Variants in CELF2 observed in about 807,000 individuals in gnomAD.
CELF2 encodes CUGBP Elav-like family member 2.
In CELF2, 8 loss-of-function variants were observed where a neutral mutation model predicts 62.6. The ratio of observed to expected loss-of-function variants is 0.13; its 90% confidence interval spans 0.07 to 0.23. The LOEUF (loss-of-function observed/expected upper bound fraction) is 0.23, where lower values mean the gene tolerates loss of function less well. Among genes scored for constraint, CELF2 ranks in the 10% least tolerant of loss-of-function variants. CELF2 has a pLI of 1.00. For missense variants in CELF2, 333 were observed against 671.0 expected, an observed-to-expected ratio of 0.50 and a Z score of 5.56; for synonymous variants, 258 against 250.0, an observed-to-expected ratio of 1.03 and a Z score of -0.30.
chr10:11,266,472 A>C (rs974830046), intron 5 of CELF2, 126 bp from the exon 6 acceptor site: 12 of 566,506 alleles, frequency 2.1e-5, no homozygotes, highest in East Asian at 2.1e-4. Flanking sequence ...TTTTATTTTT[A>C]TGTACTACTG....
intron 1 of CELF2, among the ~76,000 whole-genome samples, chr10:10,832,957 G>A (rs528477170): frequency 6.6e-6 from 1 of 151,752 alleles, no homozygotes; most frequent in East Asian, 1.9e-4. Flanking sequence ...CTGAATGCCA[G>A]GTGTACTCAC....
the CELF2 span, among the ~76,000 whole-genome samples, chr10:10,472,664 C>T: frequency 0.59 from 89,106 of 151,632 alleles, 26,272 homozygotes; most frequent in Admixed American, 0.65. Context: ...AGGTAATCCA[C>T]TGTCATGACA....
At chr10:10,799,223 T>C (rs1470298990) in intron 1 of CELF2, among the ~76,000 whole-genome samples, 1 of 152,160 alleles carries the variant, frequency 6.6e-6, no homozygotes, top group African/African-American at 2.4e-5. Flanking sequence ...CTCACATCTA[T>C]AATCCCGCAC....
chr10:10,526,438 C>G, the CELF2 span, among the ~76,000 whole-genome samples: 3 of 152,186 alleles, frequency 2.0e-5, no homozygotes, highest in African/African-American at 7.2e-5. Context: ...TCAGCTTGTT[C>G]CAGACACCTT....
At chr10:10,547,959 C>T in the CELF2 span, among the ~76,000 whole-genome samples, 3 of 152,182 alleles carry the variant, frequency 2.0e-5, no homozygotes, top group East Asian at 1.9e-4. Flanking sequence ...GAGAGGGATG[C>T]CATTCATAAA....
chr10:10,608,702 C>A, the CELF2 span, among the ~76,000 whole-genome samples: 4 of 152,124 alleles, frequency 2.6e-5, no homozygotes, highest in African/African-American at 9.7e-5. Context: ...CTCTCCCAGG[C>A]TCTCCCCAGC....
At chr10:11,232,004 T>TA (rs1281616868) in intron 3 of CELF2, among the ~76,000 whole-genome samples, 42 of 152,344 alleles carry the variant, frequency 2.8e-4, no homozygotes, top group African/African-American at 8.9e-4. Flanking sequence ...TCTTTTTTTT[T>TA]ATTATACTTT....
At chr10:10,988,490 A>G (rs1338567331) in intron 2 of CELF2, among the ~76,000 whole-genome samples, 1 of 152,138 alleles carries the variant, frequency 6.6e-6, no homozygotes, top group Non-Finnish European at 1.5e-5. Flanking sequence ...TAAGAATGAT[A>G]TAATGGACTT....
At chr10:10,892,496 C>T (rs2062217176) in intron 1 of CELF2, among the ~76,000 whole-genome samples, 1 of 152,198 alleles carries the variant, frequency 6.6e-6, no homozygotes, top group South Asian at 2.1e-4. Context: ...ACTGAGCCGA[C>T]TCACAGTGAA....
the CELF2 span, among the ~76,000 whole-genome samples, chr10:10,608,399 G>A: frequency 1.3e-5 from 2 of 152,118 alleles, no homozygotes; most frequent in African/African-American, 4.8e-5. Context: ...CATTCCTTTA[G>A]GCAAAATAAC....
chr10:11,009,105 G>C (rs2055918517), intron 1 of CELF2, among the ~76,000 whole-genome samples: 2 of 149,492 alleles, frequency 1.3e-5, no homozygotes, highest in Admixed American at 1.4e-4. Flanking sequence ...AGTGACTTTT[G>C]TTGGGTAGGA....
At chr10:11,204,159 A>G (rs1364714555) in intron 2 of CELF2, among the ~76,000 whole-genome samples, 1 of 152,222 alleles carries the variant, frequency 6.6e-6, no homozygotes, top group Non-Finnish European at 1.5e-5. Flanking sequence ...AACCCTTCAT[A>G]CTGCCCCTAA....
At chr10:11,313,857 TCATTATG>T (rs1337126565) in intron 9 of CELF2, among the ~76,000 whole-genome samples, 1 of 151,970 alleles carries the variant, frequency 6.6e-6, no homozygotes, top group African/African-American at 2.4e-5. Flanking sequence ...ATTGTCAACT[TCATTATG>T]TCTAAACCTG....
intron 2 of CELF2, among the ~76,000 whole-genome samples, chr10:10,922,003 A>T (rs1283639422): frequency 6.6e-6 from 1 of 152,216 alleles, no homozygotes; most frequent in African/African-American, 2.4e-5. Flanking sequence ...CATGAACAGC[A>T]CTGGAGAACA....
At chr10:10,603,308 A>G in the CELF2 span, among the ~76,000 whole-genome samples, 1 of 152,074 alleles carries the variant, frequency 6.6e-6, no homozygotes, top group Non-Finnish European at 1.5e-5. Flanking sequence ...TGCAGCTTCA[A>G]AATGAGAAAA....
chr10:11,184,557 GTCT>G (rs1379709439), intron 2 of CELF2, among the ~76,000 whole-genome samples: 2 of 152,088 alleles, frequency 1.3e-5, no homozygotes, highest in Non-Finnish European at 2.9e-5. Context: ...ACTTCTTTAG[GTCT>G]TCTTTGATTT....
At chr10:10,803,730 C>A (rs922521824) in intron 1 of CELF2, among the ~76,000 whole-genome samples, 3 of 152,204 alleles carry the variant, frequency 2.0e-5, no homozygotes, top group African/African-American at 4.8e-5. Flanking sequence ...TATTTGTTTA[C>A]TGATTATCTC....
chr10:10,547,862 T>A, the CELF2 span, among the ~76,000 whole-genome samples: 1 of 152,176 alleles, frequency 6.6e-6, no homozygotes, highest in Non-Finnish European at 1.5e-5. Flanking sequence ...GTATCAAACA[T>A]CCATCATCCT....
rs143282772 is a variant in CELF2, at chr10:11,134,236, A to G, written c.75-31250A>G. Among the ~76,000 whole-genome samples the G allele has an allele frequency of 4.5e-3, 682 of 152,328 alleles. 3 individuals are homozygous for G. Among genetic ancestry groups the G allele is most frequent in the African/African-American group, 0.016 (653 of 41,576 alleles). Reference sequence around the variant, plus strand: ...GTGGCAGCATCTGCCTGAGGGTGCAAAGGGGCAGGGGCCCTGCAGGAGGAA... The same window carrying G: ...GTGGCAGCATCTGCCTGAGGGTGCAGAGGGGCAGGGGCCCTGCAGGAGGAA... On this transcript the variant is annotated intron_variant, in intron 1 of 12. Coordinates refer to ENST00000633077, the MANE Select transcript of CELF2 (RefSeq NM_001326342.2).
Sources: gnomAD v4.1 joint callset for allele counts (sites outside exome capture counted in the v4.1 genomes callset) on GRCh38, gnomAD v4.1.1 for gene constraint, MANE v1.5 for transcripts, NCBI Gene and HGNC (gene_info 2026-07-23, HGNC 2026-07-21) for gene names.